Variants in USP10 observed in about 807,000 individuals in gnomAD.
USP10 encodes ubiquitin carboxyl-terminal hydrolase 10.
In USP10, 22 loss-of-function variants were observed where a neutral mutation model predicts 84.5. That is an observed-to-expected ratio of 0.26 (90% confidence interval 0.19 to 0.37). The LOEUF is 0.37. USP10 is among the 10% of genes least tolerant of loss of function. The probability of loss-of-function intolerance (pLI) is 1.00; values close to 1 mark genes in which losing one functional copy is unlikely to be tolerated. For synonymous variants in USP10, 454 were observed against 387.6 expected (o/e 1.17, Z -2.01); for missense variants, 1,019 against 998.9 (o/e 1.02, Z -0.27).
At chr16:84,747,288 C>T (rs901153638) in intron 4 of USP10, among the ~76,000 whole-genome samples, 22 of 152,206 alleles carry the variant, frequency 1.4e-4, no homozygotes, top group African/African-American at 5.3e-4. Flanking sequence ...GAACACCTGA[C>T]ACCCTTCATT....
chr16:84,771,327 A>T (rs1914425607), intron 11 of USP10, among the ~76,000 whole-genome samples: 1 of 152,146 alleles, frequency 6.6e-6, no homozygotes, highest in African/African-American at 2.4e-5. Flanking sequence ...TGAGGCGAGC[A>T]GGTTGCTTAA....
chr16:84,770,665 A>G (rs1010878224), intron 11 of USP10, among the ~76,000 whole-genome samples: 5 of 151,768 alleles, frequency 3.3e-5, no homozygotes, highest in Admixed American at 2.6e-4. Context: ...CCAGCTACTC[A>G]GGAGGCTGAG....
intron 4 of USP10, among the ~76,000 whole-genome samples, chr16:84,753,342 T>G (rs913536224): frequency 6.6e-6 from 1 of 152,178 alleles, no homozygotes; most frequent in Non-Finnish European, 1.5e-5. Context: ...CATTTCCTCT[T>G]GGGATGCTGA....
rs369441184 is a variant in USP10, at chr16:84,742,341, A to G, written c.151+1972A>G. On this transcript the variant is annotated intron_variant, in intron 3 of 13. Coordinates refer to ENST00000219473, the MANE Select transcript of USP10 (RefSeq NM_005153.3). ...ATCACTGTTTCCTGCATCCAGAAGA[A>G]TCCTTTTTCTAAAGCTATTCACAGC... Among the ~76,000 whole-genome samples, 10 of 152,204 alleles carry G rather than the reference A, an allele frequency of 6.6e-5. 1 individual carries two copies. Among genetic ancestry groups the G allele is most frequent in the Admixed American group, 5.2e-4 (8 of 15,300 alleles).
intron 10 of USP10, among the ~76,000 whole-genome samples, chr16:84,764,986 A>G (rs1265647049): frequency 2.0e-5 from 3 of 150,066 alleles, no homozygotes; most frequent in Non-Finnish European, 4.4e-5. Context: ...AACTTGCAAC[A>G]TAAAACCACC....
At position 84,779,189 on chromosome 16, in the gene USP10, C is replaced by T; in HGVS notation, c.*107C>T. On this transcript the variant is annotated 3_prime_UTR_variant, in exon 14 of 14. Coordinates refer to ENST00000219473, the MANE Select transcript of USP10 (RefSeq NM_005153.3). ...CTCTTTAGAGAGAAACTCTTTCTCC[C>T]TTTGCAAAAATGGGCTAGAATGAAA... 1 of 1,373,302 alleles carries T rather than the reference C, an allele frequency of 7.3e-7. No homozygotes were observed. Among genetic ancestry groups the T allele is most frequent in the South Asian group, 1.5e-5 (1 of 66,690 alleles). The allele number at this position is 1,373,302 out of a possible 1,614,324, so 85.1% of individuals were successfully genotyped here.
chr16:84,750,734 T>C (rs1911832634), intron 4 of USP10, among the ~76,000 whole-genome samples: 2 of 152,356 alleles, frequency 1.3e-5, no homozygotes, highest in South Asian at 4.1e-4. Flanking sequence ...TATATTTTGT[T>C]TTAACAGAAT....
intron 4 of USP10, among the ~76,000 whole-genome samples, chr16:84,754,135 T>G (rs769164607): frequency 6.6e-6 from 1 of 152,114 alleles, no homozygotes; most frequent in Non-Finnish European, 1.5e-5. Flanking sequence ...AGCACTAATA[T>G]CAGGTAGGCA....
intron 1 of USP10, among the ~76,000 whole-genome samples, chr16:84,722,080 T>C (rs1199496169): frequency 6.6e-6 from 1 of 152,126 alleles, no homozygotes; most frequent in Non-Finnish European, 1.5e-5. Context: ...GCTCAGAGAG[T>C]TTCTTCATGC....
intron 1 of USP10, among the ~76,000 whole-genome samples, chr16:84,713,836 C>T (rs778188702): frequency 1.9e-4 from 29 of 152,216 alleles, no homozygotes; most frequent in Non-Finnish European, 3.7e-4. Context: ...TTTGCAGAGT[C>T]AGCCAGGCCA....
intron 10 of USP10, among the ~76,000 whole-genome samples, 170 bp from the exon 11 acceptor site, chr16:84,768,023 A>T (rs1315631716): frequency 6.6e-6 from 1 of 152,112 alleles, no homozygotes; most frequent in East Asian, 1.9e-4. Flanking sequence ...AACAAAGCAC[A>T]TCTTCAGCAG....
In USP10 at chr16:84,705,255, G is replaced by A. The variant is rs371630614; in HGVS notation, c.21+5144G>A. On this transcript the variant is annotated intron_variant, in intron 1 of 13. Coordinates refer to ENST00000219473, the MANE Select transcript of USP10 (RefSeq NM_005153.3). ...TTTTGTTTGTTTTTTTTTTTGAGAC[G>A]GAGTCTCGCTCTGTCGCCCAGGCTG... is the stretch of plus-strand genomic sequence containing the variant. 2.4e-3 allele frequency among the ~76,000 whole-genome samples: 363 copies of A among 148,772 alleles called. 7 individuals carry two copies. In the South Asian group the frequency reaches 0.058, roughly 24 times the overall value.
At chr16:84,724,948 A>G (rs1277657467) in intron 1 of USP10, among the ~76,000 whole-genome samples, 5 of 152,210 alleles carry the variant, frequency 3.3e-5, no homozygotes, top group Non-Finnish European at 7.3e-5. Context: ...CCCATAACTT[A>G]CTGGGCTTTG....
chr16:84,712,804 C>T (rs777963852), intron 1 of USP10, among the ~76,000 whole-genome samples: 14 of 152,132 alleles, frequency 9.2e-5, no homozygotes, highest in African/African-American at 2.7e-4. Flanking sequence ...GTGACTGACC[C>T]GCACGTCACA....
chr16:84,714,931 TATTA>T (rs779716940), intron 1 of USP10, among the ~76,000 whole-genome samples: 2 of 146,880 alleles, frequency 1.4e-5, no homozygotes, highest in African/African-American at 2.5e-5. Flanking sequence ...TTATTATTAT[TATTA>T]TTTTTTTTTT....
At chr16:84,778,118 T>TGTG (rs1491384504) in intron 13 of USP10, among the ~76,000 whole-genome samples, 2 of 151,682 alleles carry the variant, frequency 1.3e-5, no homozygotes, top group African/African-American at 2.4e-5. Flanking sequence ...TGTGTGTGTG[T>TGTG]TTTGTTCTGT....
chr16:84,748,153 CAAAAAAAAAAA>C (rs1169089505), intron 4 of USP10, among the ~76,000 whole-genome samples: 2 of 51,176 alleles, frequency 3.9e-5, no homozygotes, highest in African/African-American at 7.7e-5. Context: ...GACTCCATCT[CAAAAAAAAAAA>C]AAAAAAAAAA....
chr16:84,737,644 T>A (rs556283601), intron 2 of USP10, among the ~76,000 whole-genome samples: 1 of 152,204 alleles, frequency 6.6e-6, no homozygotes. Flanking sequence ...TCTGGGAGTT[T>A]GCTGGTGGTC....
At chr16:84,704,917 T>G (rs1475493642) in intron 1 of USP10, 3 of 1,535,218 alleles carry the variant, frequency 2.0e-6, no homozygotes, top group Admixed American at 3.9e-5. Flanking sequence ...ATTCCTCGAC[T>G]TTCCCTTTTG....
Sources: allele counts gnomAD v4.1 joint callset (sites outside exome capture counted in the v4.1 genomes callset), GRCh38; gene constraint gnomAD v4.1.1; transcripts MANE v1.5; gene names NCBI Gene and HGNC (gene_info 2026-07-23, HGNC 2026-07-21).